The following SPATA16 variants were observed in gnomAD, a reference collection of about 807,000 sequenced individuals.
SPATA16 encodes the protein spermatogenesis associated 16.
A neutral mutation model predicts 63.3 loss-of-function variants in SPATA16; 36 were observed. The observed-to-expected ratio is 0.57, with a 90% CI of 0.44 to 0.75. SPATA16 has a LOEUF of 0.75. SPATA16 is among the 30% of genes least tolerant of loss of function. SPATA16 has a pLI of 0.00. For synonymous variants in SPATA16, 203 were observed against 216.7 expected, an observed-to-expected ratio of 0.94 and a Z score of 0.56; for missense variants, 646 against 679.3, an observed-to-expected ratio of 0.95 and a Z score of 0.54.
intron 4 of SPATA16, among the ~76,000 whole-genome samples, chr3:172,980,769 A>C (rs1158652791): frequency 6.6e-6 from 1 of 152,158 alleles, no homozygotes; most frequent in African/African-American, 2.4e-5. Flanking sequence ...TCTTCCTTTT[A>C]AAAACAAAAC....
At chr3:172,948,387 T>A (rs1165234290) in intron 6 of SPATA16, among the ~76,000 whole-genome samples, 1 of 152,206 alleles carries the variant, frequency 6.6e-6, no homozygotes, top group African/African-American at 2.4e-5. Context: ...GGTAAAAATA[T>A]CTTTCAAGCA....
At chr3:173,023,918 A>G (rs1053245189) in intron 3 of SPATA16, among the ~76,000 whole-genome samples, 1 of 150,624 alleles carries the variant, frequency 6.6e-6, no homozygotes, top group Non-Finnish European at 1.5e-5. Flanking sequence ...TATAAAATGT[A>G]TAGAATAAAT....
At chr3:172,945,111 T>C (rs1733249099) in intron 6 of SPATA16, among the ~76,000 whole-genome samples, 1 of 152,218 alleles carries the variant, frequency 6.6e-6, no homozygotes, top group Non-Finnish European at 1.5e-5. Context: ...ACAATACTTT[T>C]AATGTTTTAT....
At chr3:172,953,357 C>T (rs1337649088) in intron 6 of SPATA16, among the ~76,000 whole-genome samples, 3 of 152,120 alleles carry the variant, frequency 2.0e-5, no homozygotes, top group African/African-American at 4.8e-5. Flanking sequence ...GGCAGAGTAA[C>T]ATAGCCAGTT....
intron 2 of SPATA16, among the ~76,000 whole-genome samples, chr3:173,087,881 C>A (rs184302595): frequency 6.6e-6 from 1 of 152,068 alleles, no homozygotes; most frequent in Non-Finnish European, 1.5e-5. Flanking sequence ...AGGGTTTCCA[C>A]GGAGAGGTCT....
intron 5 of SPATA16, among the ~76,000 whole-genome samples, chr3:172,973,284 ACT>A (rs1378697657): frequency 2.0e-5 from 3 of 152,096 alleles, no homozygotes; most frequent in Non-Finnish European, 2.9e-5. Context: ...TGTGTTTATG[ACT>A]ATTGTTCTAG....
At chr3:172,988,304 T>C (rs984662830) in intron 4 of SPATA16, among the ~76,000 whole-genome samples, 2 of 152,164 alleles carry the variant, frequency 1.3e-5, no homozygotes, top group African/African-American at 4.8e-5. Flanking sequence ...AATAAAAGGG[T>C]AAAGTGACGT....
intron 4 of SPATA16, among the ~76,000 whole-genome samples, chr3:172,989,647 G>A (rs62282605): frequency 0.084 from 12,836 of 152,222 alleles, 719 homozygotes; most frequent in East Asian, 0.15. Context: ...GTCAGAAGGA[G>A]TAAATGCCCT....
At chr3:172,954,945 A>G (rs974815363) in intron 6 of SPATA16, among the ~76,000 whole-genome samples, 8 of 152,198 alleles carry the variant, frequency 5.3e-5, no homozygotes, top group Non-Finnish European at 5.9e-5. Context: ...AAGATTCTCT[A>G]TAGCACTAGC....
chr3:173,028,059 CTTCCTTCCTTCCTTCCTT>C (rs1735507744), intron 3 of SPATA16, among the ~76,000 whole-genome samples: 1 of 111,536 alleles, frequency 9.0e-6, no homozygotes, highest in African/African-American at 4.1e-5. Context: ...TCCTTCCTTC[CTTCCTTCCTTCCTTCCTT>C]TCTCTCTCTC....
chr3:172,943,266 C>T (rs771877456), intron 6 of SPATA16, among the ~76,000 whole-genome samples: 3 of 152,114 alleles, frequency 2.0e-5, no homozygotes, highest in Non-Finnish European at 4.4e-5. Context: ...AACTTTTAAA[C>T]CTGATAAAGA....
At chr3:173,024,213 A>T (rs947592457) in intron 3 of SPATA16, among the ~76,000 whole-genome samples, 1 of 151,622 alleles carries the variant, frequency 6.6e-6, no homozygotes. Flanking sequence ...GCAATAATTT[A>T]ATTTTATTTA....
intron 2 of SPATA16, among the ~76,000 whole-genome samples, chr3:173,057,422 T>C (rs938723717): frequency 3.9e-5 from 6 of 152,160 alleles, no homozygotes; most frequent in African/African-American, 7.2e-5. Context: ...CTATAGTGTT[T>C]TCTTTCTTAA....
At chr3:173,086,213 GTTAT>G (rs1688912508) in intron 2 of SPATA16, among the ~76,000 whole-genome samples, 1 of 151,928 alleles carries the variant, frequency 6.6e-6, no homozygotes, top group Non-Finnish European at 1.5e-5. Flanking sequence ...TTCAGAACTT[GTTAT>G]TTGTCTATTC....
intron 2 of SPATA16, among the ~76,000 whole-genome samples, chr3:173,057,475 A>G (rs1736264987): frequency 1.0e-5 from 1 of 98,862 alleles, no homozygotes; most frequent in Non-Finnish European, 2.0e-5. Flanking sequence ...TATTATTCCT[A>G]TCTATTAGGC....
chr3:172,896,375 C>G (rs1316370522), intron 10 of SPATA16, among the ~76,000 whole-genome samples: 1 of 152,110 alleles, frequency 6.6e-6, no homozygotes, highest in African/African-American at 2.4e-5. Flanking sequence ...TGCCCGCCAC[C>G]ACGCCTGGCT....
chr3:173,066,844 G>A (rs535366661), intron 2 of SPATA16, among the ~76,000 whole-genome samples: 3 of 152,126 alleles, frequency 2.0e-5, no homozygotes, highest in South Asian at 4.2e-4. Context: ...GGCCACTCCC[G>A]GAGTGACAGA....
At chr3:173,009,844 A>G (rs1305380891) in intron 4 of SPATA16, among the ~76,000 whole-genome samples, 1 of 152,266 alleles carries the variant, frequency 6.6e-6, no homozygotes, top group Non-Finnish European at 1.5e-5. Context: ...TTCACAGGGC[A>G]GGAGCCGGCT....
In SPATA16 at chr3:172,944,980, T is replaced by C. The variant is rs555219932; in HGVS notation, c.1081+11697A>G. Among the ~76,000 whole-genome samples the C allele has an allele frequency of 8.1e-4, 124 of 152,306 alleles. 1 individual carries two copies. Among genetic ancestry groups the C allele is most frequent in the African/African-American group, 3.0e-3 (123 of 41,568 alleles). ...ACTTAAAAGTGTTTAAAATGGTACA[T>C]TTTACATTGTGTATATTTTACTATA... On this transcript the variant is annotated intron_variant, in intron 6 of 10. Coordinates refer to ENST00000351008, the MANE Select transcript of SPATA16 (RefSeq NM_031955.6).
Sources: allele counts gnomAD v4.1 joint callset (sites outside exome capture counted in the v4.1 genomes callset), GRCh38; gene constraint gnomAD v4.1.1; transcripts MANE v1.5; gene names NCBI Gene and HGNC (gene_info 2026-07-23, HGNC 2026-07-21).